The following KCNH5 variants were observed in gnomAD, a reference collection of about 807,000 sequenced individuals.
KCNH5 encodes potassium voltage-gated channel subfamily H member 5.
In KCNH5, 46 loss-of-function variants were observed where a neutral mutation model predicts 96.1. The observed-to-expected ratio is 0.48, with a 90% confidence interval of 0.38 to 0.61. The LOEUF (loss-of-function observed/expected upper bound fraction) is 0.61. KCNH5 is among the 20% of genes least tolerant of loss of function. KCNH5 has a pLI of 0.00. For missense variants in KCNH5, 907 were observed against 1,225.8 expected (o/e 0.74, Z 3.88); for synonymous variants, 439 against 449.8 (o/e 0.98, Z 0.30).
chr14:62,813,876 T>C (rs77986484), intron 8 of KCNH5, among the ~76,000 whole-genome samples: 3 of 152,240 alleles, frequency 2.0e-5, no homozygotes, highest in African/African-American at 7.2e-5. Context: ...AGCTCACCTT[T>C]ATATTTAAAG....
intron 6 of KCNH5, among the ~76,000 whole-genome samples, chr14:62,964,798 G>C (rs771326892): frequency 1.7e-4 from 26 of 152,076 alleles, no homozygotes; most frequent in Admixed American, 6.6e-5. Context: ...TAGGAGGGTA[G>C]ATGTCAAACT....
At chr14:62,989,067 T>C (rs1890763154) in intron 4 of KCNH5, among the ~76,000 whole-genome samples, 1 of 151,816 alleles carries the variant, frequency 6.6e-6, no homozygotes, top group Non-Finnish European at 1.5e-5. Context: ...GCCTTATAGA[T>C]TATAACATCA....
Position 62,704,877 on chromosome 14 carries a change from G to A in KCNH5, c.*2631C>T, listed in dbSNP as rs980421358. On this transcript the variant is annotated 3_prime_UTR_variant, in exon 11 of 11. Transcript: ENST00000322893. ...AAATATTCTCCCTTCATTCAAATCT[G>A]AGTAAATTCAACTGCTAAGATTTGT... The A allele has an allele frequency of 1.1e-4, 17 of 151,782 alleles. No individual in the cohort carries two copies. The highest frequency in any genetic ancestry group is 2.1e-4 in the South Asian group (1 of 4,822). The allele number at this position is 151,782 out of a possible 1,614,324, so 9.4% of individuals were successfully genotyped here.
At chr14:62,760,548 A>T (rs1405249398) in intron 10 of KCNH5, among the ~76,000 whole-genome samples, 1 of 152,238 alleles carries the variant, frequency 6.6e-6, no homozygotes. Flanking sequence ...TCTACAGATG[A>T]CATTACTCTC....
intron 8 of KCNH5, among the ~76,000 whole-genome samples, chr14:62,811,727 C>T (rs1330812581): frequency 1.3e-5 from 2 of 151,934 alleles, no homozygotes; most frequent in Non-Finnish European, 2.9e-5. Flanking sequence ...TTTTAATGAA[C>T]ACCTTCCTTT....
intron 7 of KCNH5, among the ~76,000 whole-genome samples, chr14:62,890,466 C>A (rs187171209): frequency 0.029 from 4,466 of 151,784 alleles, 91 homozygotes; most frequent in Middle Eastern, 0.051. Flanking sequence ...GAGGCCGAGG[C>A]GGGCGGATCA....
Position 63,008,726 on chromosome 14 carries a change from G to T in KCNH5, c.198-2254C>A, listed in dbSNP as rs574885020. Among the ~76,000 whole-genome samples, 13 of 152,096 alleles carry T rather than the reference G, an allele frequency of 8.5e-5. No individual in the cohort carries two copies. The South Asian group carries it at 2.5e-3, about 29-fold the overall frequency. On this transcript the variant is annotated intron_variant, in intron 2 of 10. Transcript: ENST00000322893. ...CTAGACTAACACAGGAAACCTCAAA[G>T]CACACCTGCAAGCTGGCACTGAAAA...
chr14:63,037,231 T>C (rs987935161), intron 1 of KCNH5, among the ~76,000 whole-genome samples: 18 of 152,146 alleles, frequency 1.2e-4, no homozygotes, highest in Admixed American at 3.9e-4. Context: ...TAGGTACAAG[T>C]AAGTTAAGTC....
intron 7 of KCNH5, among the ~76,000 whole-genome samples, chr14:62,938,856 A>G (rs1237544371): frequency 6.6e-6 from 1 of 152,240 alleles, no homozygotes; most frequent in Non-Finnish European, 1.5e-5. Context: ...AGCCAATGCT[A>G]CCTTTCGTTT....
intron 1 of KCNH5, among the ~76,000 whole-genome samples, chr14:63,038,576 C>A (rs1891766691): frequency 6.6e-6 from 1 of 152,058 alleles, no homozygotes; most frequent in Non-Finnish European, 1.5e-5. Flanking sequence ...TTACTGTGCT[C>A]ATTAATTTTC....
intron 7 of KCNH5, among the ~76,000 whole-genome samples, chr14:62,917,011 A>G (rs1367639430): frequency 6.6e-6 from 1 of 152,224 alleles, no homozygotes; most frequent in African/African-American, 2.4e-5. Flanking sequence ...TAGAAATGCT[A>G]GAAATTAGAG....
At chr14:62,728,863 G>A (rs144420216) in intron 10 of KCNH5, among the ~76,000 whole-genome samples, 18 of 152,268 alleles carry the variant, frequency 1.2e-4, no homozygotes, top group Middle Eastern at 3.4e-3. Flanking sequence ...TAGAAGGAAC[G>A]GGGCAGAGAG....
chr14:62,755,201 T>C (rs1165338936), intron 10 of KCNH5, among the ~76,000 whole-genome samples: 17 of 151,278 alleles, frequency 1.1e-4, no homozygotes, highest in Non-Finnish European at 2.5e-4. Flanking sequence ...TTGACAAATA[T>C]AAAAAAGAGA....
chr14:62,788,584 A>C (rs1246789872), intron 9 of KCNH5, among the ~76,000 whole-genome samples: 1 of 152,130 alleles, frequency 6.6e-6, no homozygotes, highest in African/African-American at 2.4e-5. Context: ...ATGCTATAGG[A>C]GAAATATTTT....
At chr14:62,997,109 C>T (rs1169211902) in intron 4 of KCNH5, among the ~76,000 whole-genome samples, 4 of 152,126 alleles carry the variant, frequency 2.6e-5, no homozygotes, top group African/African-American at 4.8e-5. Flanking sequence ...GATACAGGCA[C>T]GCAATGCGTT....
At chr14:63,005,087 C>T (rs1037115240) in intron 3 of KCNH5, among the ~76,000 whole-genome samples, 1 of 152,144 alleles carries the variant, frequency 6.6e-6, no homozygotes, top group South Asian at 2.1e-4. Flanking sequence ...CCAGAAAGCA[C>T]CTACAGTCTG....
rs113499140 is a variant in KCNH5 at position 62,938,878 on chromosome 14, A to T, written c.1369+11255T>A. ...GCTACCTTTCGTTTTATAACACAAA[A>T]GAGAAATTCTATGTCTATGTTATGC... is the stretch of plus-strand genomic sequence containing the variant. On this transcript the variant is annotated intron_variant, in intron 7 of 10. Transcript: ENST00000322893. Among the ~76,000 whole-genome samples, 1,171 of 152,356 alleles carry T rather than the reference A, an allele frequency of 7.7e-3. 12 individuals carry two copies. Among genetic ancestry groups the T allele is most frequent in the African/African-American group, 0.027 (1,132 of 41,588 alleles).
chr14:63,023,991 T>C (rs1201817430), intron 1 of KCNH5, among the ~76,000 whole-genome samples: 1 of 152,038 alleles, frequency 6.6e-6, no homozygotes, highest in Non-Finnish European at 1.5e-5. Flanking sequence ...AGGCAAATCA[T>C]GAGGTCAGGC....
At chr14:62,815,010 A>G (rs1886949745) in intron 8 of KCNH5, among the ~76,000 whole-genome samples, 1 of 152,094 alleles carries the variant, frequency 6.6e-6, no homozygotes, top group African/African-American at 2.4e-5. Flanking sequence ...TATAGCTCCA[A>G]ACTGAAAATT....
Sources: gnomAD v4.1 joint callset for allele counts (sites outside exome capture counted in the v4.1 genomes callset) on GRCh38, gnomAD v4.1.1 for gene constraint, MANE v1.5 for transcripts, NCBI Gene and HGNC (gene_info 2026-07-23, HGNC 2026-07-21) for gene names.